Variants in CD38 observed in about 807,000 individuals in gnomAD.
The protein encoded by CD38 is CD38 molecule, also known as ADP-ribosyl cyclase/cyclic ADP-ribose hydrolase 1.
CD38 carries 31 observed loss-of-function variants against 36.3 expected under a neutral mutation model. The ratio of observed to expected loss-of-function variants is 0.85; its 90% CI spans 0.64 to 1.15. The LOEUF is 1.15. Among genes scored for constraint, CD38 ranks in the 50% most tolerant of loss-of-function variants. The pLI, the probability that CD38 is intolerant of heterozygous loss-of-function variation, is 0.00. For synonymous variants in CD38, 131 were observed against 135.2 expected (o/e 0.97, Z 0.22); for missense variants, 380 against 371.9 (o/e 1.02, Z -0.18).
chr4:15,848,206 T>C (rs1724305283), intron 7 of CD38, among the ~76,000 whole-genome samples: 1 of 152,158 alleles, frequency 6.6e-6, no homozygotes, highest in South Asian at 2.1e-4. Flanking sequence ...GCAAGTTTGG[T>C]CCCCTTGCTG....
intron 1 of CD38, among the ~76,000 whole-genome samples, chr4:15,791,892 C>A (rs1351488080): frequency 1.1e-5 from 1 of 91,382 alleles, no homozygotes; most frequent in Non-Finnish European, 2.0e-5. Context: ...TGAGGAGCCC[C>A]TCTGCCCGGC....
At chr4:15,784,779 G>A (rs992309405) in intron 1 of CD38, among the ~76,000 whole-genome samples, 22 of 152,028 alleles carry the variant, frequency 1.4e-4, no homozygotes, top group African/African-American at 4.3e-4. Context: ...AGGTGCAGGC[G>A]AGGCACGGTG....
At chr4:15,826,629 G>C (rs1723856079) in intron 3 of CD38, among the ~76,000 whole-genome samples, 1 of 152,046 alleles carries the variant, frequency 6.6e-6, no homozygotes, top group Non-Finnish European at 1.5e-5. Context: ...TATGAGGCCA[G>C]GCACAGTGGC....
At chr4:15,784,116 C>T (rs1319149809) in intron 1 of CD38, among the ~76,000 whole-genome samples, 1 of 152,196 alleles carries the variant, frequency 6.6e-6, no homozygotes, top group African/African-American at 2.4e-5. Context: ...GCCAAGAGGT[C>T]ACTGAGGAAG....
chr4:15,785,067 AT>A (rs1722783107), intron 1 of CD38, among the ~76,000 whole-genome samples: 1 of 150,380 alleles, frequency 6.6e-6, no homozygotes. Context: ...AAAAAAAAAA[AT>A]CTCAGGTGCA....
rs894130431 is a variant in CD38 at position 15,797,086 on chromosome 4, T to C, written c.233+18439T>C. Among the ~76,000 whole-genome samples the C allele has an allele frequency of 3.3e-5, 5 of 152,342 alleles. No homozygotes were observed. In the East Asian group the frequency reaches 9.6e-4, roughly 29 times the overall value. On this transcript the variant is annotated intron_variant, in intron 1 of 7. Coordinates refer to ENST00000226279, the MANE Select transcript of CD38 (RefSeq NM_001775.4). ...ATCTTCTTGAGGTAATGAGAACTCCTATTTCCCCATACCCATACTACCCAG... is the reference window on the plus strand; with the variant it reads ...ATCTTCTTGAGGTAATGAGAACTCCCATTTCCCCATACCCATACTACCCAG...
At position 15,828,446 on chromosome 4, in the gene CD38, T is replaced by G. The variant is rs970806473; in HGVS notation, c.499+3430T>G. Among the ~76,000 whole-genome samples, 41 of 152,232 alleles carry G rather than the reference T, an allele frequency of 2.7e-4. 1 individual carries two copies. Among genetic ancestry groups the G allele is most frequent in the Non-Finnish European group, 5.4e-4 (37 of 68,032 alleles). On this transcript the variant is annotated intron_variant, in intron 3 of 7. Coordinates refer to ENST00000226279, the MANE Select transcript of CD38 (RefSeq NM_001775.4). ...AATATTTTTAAAAACCCTTTCTAAC[T>G]GAGATTTTGTACTCTTTGACCATCA...
At chr4:15,798,019 A>G (rs566810631) in intron 1 of CD38, among the ~76,000 whole-genome samples, 1 of 152,318 alleles carries the variant, frequency 6.6e-6, no homozygotes, top group East Asian at 1.9e-4. Context: ...GGCTGCAACT[A>G]ACAGAACATT....
chr4:15,834,158 G>C, intron 3 of CD38, 59 bp from the exon 4 acceptor site: 1 of 1,115,426 alleles, frequency 9.0e-7, no homozygotes, highest in Non-Finnish European at 1.4e-6. Context: ...CCAGGGAAGA[G>C]TACAGCTTAT....
chr4:15,819,239 G>A (rs1221112383), intron 2 of CD38, among the ~76,000 whole-genome samples: 3 of 152,088 alleles, frequency 2.0e-5, no homozygotes, highest in Non-Finnish European at 2.9e-5. Context: ...CGTAGGTGAC[G>A]GGTTGATGGG....
intron 7 of CD38, among the ~76,000 whole-genome samples, chr4:15,848,267 T>C (rs1724306540): frequency 6.6e-6 from 1 of 152,176 alleles, no homozygotes; most frequent in African/African-American, 2.4e-5. Flanking sequence ...GATTCAACAT[T>C]CCCTCAGGAA....
chr4:15,805,829 T>C (rs1028843554), intron 1 of CD38, among the ~76,000 whole-genome samples: 1 of 152,242 alleles, frequency 6.6e-6, no homozygotes, highest in Non-Finnish European at 1.5e-5. Context: ...ACACAGGTTC[T>C]GGTAGCCTCA....
Position 15,848,794 on chromosome 4 carries a change from C to T in CD38, c.*192C>T. The T allele has an allele frequency of 2.2e-6, 1 of 445,834 alleles. No individual in the cohort carries two copies. The highest frequency in any genetic ancestry group is 4.0e-6 in the Non-Finnish European group (1 of 248,442). The allele number at this position is 445,834 out of a possible 1,614,324, so 27.6% of individuals were successfully genotyped here. A position where few individuals can be genotyped will look rare whatever the true frequency, so the allele number is the denominator to read the frequency against. On this transcript the variant is annotated 3_prime_UTR_variant, in exon 8 of 8. Transcript: ENST00000226279. ...ATCATCAGCATACCTTTATTGTGAT[C>T]TATCAATAGTCAAGAAAAATTATTG...
intron 1 of CD38, among the ~76,000 whole-genome samples, chr4:15,787,809 C>G (rs1479517628): frequency 6.6e-6 from 1 of 152,180 alleles, no homozygotes; most frequent in African/African-American, 2.4e-5. Flanking sequence ...TGGAGCTGCT[C>G]ACTTTTATTC....
At chr4:15,786,363 C>A (rs990411263) in intron 1 of CD38, among the ~76,000 whole-genome samples, 1 of 152,214 alleles carries the variant, frequency 6.6e-6, no homozygotes, top group African/African-American at 2.4e-5. Flanking sequence ...GGTGCATTTA[C>A]AAACCTTGAG....
At chr4:15,848,292 G>C (rs1377428635) in intron 7 of CD38, among the ~76,000 whole-genome samples, 1 of 152,134 alleles carries the variant, frequency 6.6e-6, no homozygotes, top group Non-Finnish European at 1.5e-5. Context: ...CGGAAGAGAG[G>C]AAAGCAAATT....
At chr4:15,801,066 AG>A (rs1723212937) in intron 1 of CD38, among the ~76,000 whole-genome samples, 1 of 152,034 alleles carries the variant, frequency 6.6e-6, no homozygotes, top group African/African-American at 2.4e-5. Context: ...CTAAGAAAAA[AG>A]AGGGAAGAAC....
intron 1 of CD38, among the ~76,000 whole-genome samples, chr4:15,797,584 C>T (rs6843266): frequency 0.43 from 65,765 of 151,932 alleles, 16,347 homozygotes; most frequent in African/African-American, 0.69. Context: ...TACTACAAGC[C>T]GGGTGGCTTC....
At chr4:15,781,656 C>G (rs1722699315) in intron 1 of CD38, among the ~76,000 whole-genome samples, 2 of 152,196 alleles carry the variant, frequency 1.3e-5, no homozygotes, top group South Asian at 4.1e-4. Context: ...TGAAGGGTAA[C>G]ATGCTTTACA....
Sources: allele counts gnomAD v4.1 joint callset (sites outside exome capture counted in the v4.1 genomes callset), GRCh38; gene constraint gnomAD v4.1.1; transcripts MANE v1.5; gene names NCBI Gene and HGNC (gene_info 2026-07-23, HGNC 2026-07-21).